Variants in CELSR1 observed in about 807,000 individuals in gnomAD.
CELSR1 encodes the protein adhesion G protein-coupled receptor C1.
Under a neutral mutation model 249.1 loss-of-function variants are expected in CELSR1, and 110 were observed. The observed-to-expected ratio is 0.44, with a 90% CI of 0.38 to 0.52. The LOEUF is 0.52. Ranked by LOEUF, CELSR1 falls within the 20% of genes least tolerant of loss-of-function variation. CELSR1 has a pLI of 0.00. For synonymous variants in CELSR1, 2,113 were observed against 1,900.0 expected (o/e 1.11, Z -2.92); for missense variants, 4,109 against 4,296.4 (o/e 0.96, Z 1.22).
chr22:46,397,587 C>A (rs541034140), intron 12 of CELSR1, 87 bp downstream of exon 12: 8 of 1,242,042 alleles, frequency 6.4e-6, no homozygotes, highest in Non-Finnish European at 7.4e-6. Context: ...TGGCTGGGGA[C>A]GCTAATGTCT....
chr22:46,392,023 C>T (rs2079098588), intron 14 of CELSR1, among the ~76,000 whole-genome samples: 1 of 152,244 alleles, frequency 6.6e-6, no homozygotes, highest in Non-Finnish European at 1.5e-5. Context: ...CCCAGGAGAG[C>T]AGTTCTTCCG....
chr22:46,375,106 C>T (rs1173930454), intron 24 of CELSR1, among the ~76,000 whole-genome samples: 2 of 152,134 alleles, frequency 1.3e-5, no homozygotes, highest in African/African-American at 2.4e-5. Context: ...CCACCGCTTG[C>T]CGTAAAAAAG....
In CELSR1 at chr22:46,472,771, G is replaced by A. The variant is rs1193163444; in HGVS notation, c.3545-8426C>T. 6.6e-6 allele frequency among the ~76,000 whole-genome samples: 1 copy of A among 152,116 alleles called. No homozygotes were observed. The highest frequency in any genetic ancestry group is 1.5e-5 in the Non-Finnish European group (1 of 68,006). ...GAGGCTCAGGGGAGGGTCTGTTCCGGGCCCCTTTCCCTGGGGGCTGGGGGT... is the reference window on the plus strand; with the variant it reads ...GAGGCTCAGGGGAGGGTCTGTTCCGAGCCCCTTTCCCTGGGGGCTGGGGGT... On this transcript the variant is annotated intron_variant, in intron 1 of 34. Transcript: ENST00000674500. The surrounding 1 kb of genome is among the most constrained non-coding windows in gnomAD (Gnocchi z 7.0).
chr22:46,400,316 G>A (rs1205548263), intron 9 of CELSR1, among the ~76,000 whole-genome samples: 1 of 151,452 alleles, frequency 6.6e-6, no homozygotes, highest in African/African-American at 2.4e-5. Flanking sequence ...GTGACAGAGC[G>A]AGACTTGGTC....
At position 46,534,013 on chromosome 22, in the gene CELSR1, T is replaced by G. The variant is rs373934317; in HGVS notation, c.3158A>C (p.Asn1053Thr). ...MRHFFQLDLLNGDLRAMVELD... is the reference protein window; with the variant it reads ...MRHFFQLDLLTGDLRAMVELD... ...CTCCACCATGGCACGCAGGTCCCCGTTGAGCAGGTCCAGCTGGAAGAAATG... is the reference window on the plus strand; with the variant it reads ...CTCCACCATGGCACGCAGGTCCCCGGTGAGCAGGTCCAGCTGGAAGAAATG... The change falls in exon 1 of 35, where the codon AAC becomes ACC. Residue 1053 changes from asparagine to threonine, a missense_variant. Physicochemically the swap from Asn to Thr is moderately conservative, Grantham distance 65. Around this residue, in one of 7 missense-constraint regions of CELSR1, gnomAD observed 886 missense variants for 896.5 expected, o/e 0.99. Transcript: ENST00000674500. The surrounding 1 kb of genome is among the most constrained non-coding windows in gnomAD (Gnocchi z 9.7). The G allele has an allele frequency of 5.6e-6, 9 of 1,613,536 alleles. No homozygotes were observed. In the South Asian group the frequency reaches 9.9e-5, roughly 18 times the overall value.
At chr22:46,519,251 A>T (rs1476873049) in intron 1 of CELSR1, among the ~76,000 whole-genome samples, 1 of 152,244 alleles carries the variant, frequency 6.6e-6, no homozygotes, top group Admixed American at 6.5e-5. Context: ...TAAACACCAC[A>T]AAATGGCTCA....
rs1388371315 is a variant in CELSR1, at chr22:46,518,787, C to A, written c.3544+14840G>T. 6.6e-6 allele frequency among the ~76,000 whole-genome samples: 1 copy of A among 152,120 alleles called. No homozygotes were observed. Among genetic ancestry groups the A allele is most frequent in the Non-Finnish European group, 1.5e-5 (1 of 68,032 alleles). ...GCGGTGGCTCGCCTGTAATCCAGCA[C>A]TTTGGGAGGCCAAGGCGGGTGGATC... is the stretch of plus-strand genomic sequence containing the variant. On this transcript the variant is annotated intron_variant, in intron 1 of 34. Coordinates refer to ENST00000674500, the MANE Select transcript of CELSR1 (RefSeq NM_001378328.1). The surrounding 1 kb of genome is among the most constrained non-coding windows in gnomAD (Gnocchi z 5.2).
rs2078761353 is a variant in CELSR1 at position 46,365,649 on chromosome 22, C to G, written c.8341G>C (p.Val2781Leu). The G allele has an allele frequency of 2.5e-6, 4 of 1,588,786 alleles. No homozygotes were observed. The South Asian group carries it at 3.4e-5, about 14-fold the overall frequency. ...TCTGGCTCTCCGTGGCTGCCCCTCA[C>G]CAGCCCAGAGGACACGCCGAGCTTC... is the stretch of plus-strand genomic sequence containing the variant. ...IQKLGVSSGL[V>L]RGSHGEPDAS... The change falls in exon 31 of 35, where the codon GTG becomes CTG. Residue 2781 changes from valine to leucine, a missense_variant. Val to Leu is a conservative substitution (Grantham distance 32). Transcript: ENST00000674500.
At chr22:46,510,867 C>T (rs2080566116) in intron 1 of CELSR1, among the ~76,000 whole-genome samples, 1 of 152,100 alleles carries the variant, frequency 6.6e-6, no homozygotes, top group African/African-American at 2.4e-5. Context: ...ATCCCACCAG[C>T]ACTTCAGGAG....
chr22:46,435,065 C>A (rs1426901196), intron 4 of CELSR1, among the ~76,000 whole-genome samples: 1 of 151,880 alleles, frequency 6.6e-6, no homozygotes, highest in Non-Finnish European at 1.5e-5. Flanking sequence ...TGTTGGCAGT[C>A]TGGAGAAATG....
At chr22:46,525,579 C>T (rs1270096904) in intron 1 of CELSR1, among the ~76,000 whole-genome samples, 1 of 152,116 alleles carries the variant, frequency 6.6e-6, no homozygotes, top group South Asian at 2.1e-4. Context: ...AATTAGAAAA[C>T]GATTTCCCCC....
intron 24 of CELSR1, among the ~76,000 whole-genome samples, chr22:46,373,523 G>A (rs902820738): frequency 1.1e-4 from 17 of 151,520 alleles, no homozygotes; most frequent in Non-Finnish European, 1.6e-4. Flanking sequence ...CTCTGGGAGG[G>A]GCAGCTTCGT....
Position 46,389,407 on chromosome 22 carries a change from G to T in CELSR1, c.6438C>A (p.Gly2146=). 1 of 1,612,332 alleles carries T rather than the reference G, an allele frequency of 6.2e-7. No homozygotes were observed. ...RALRSATQHT[G]TLFGNDVRTA... is the part of the protein sequence containing the mutation. ...TGCGCACGTCATTGCCAAAGAGCGT[G>T]CCCGTGTGCTGTGTAGCACTGCGCA... is the stretch of plus-strand genomic sequence containing the variant. Residue 2146 remains glycine (G), a synonymous_variant, in exon 18 of 35, where the codon GGC becomes GGA. Transcript: ENST00000674500.
In CELSR1 at chr22:46,536,142, G is replaced by C. The variant is rs1216512142; in HGVS notation, c.1029C>G (p.Val343=). Residue 343 remains valine, a synonymous_variant, in exon 1 of 35, where the codon GTC becomes GTG. Transcript: ENST00000674500. ...RSATTYITVL[V]KDTNDHSPVF... ...CCGGGCTGTGGTCGTTGGTGTCTTTGACCAAGACAGTGATGTAGGTGGTGG... is the reference window on the plus strand; with the variant it reads ...CCGGGCTGTGGTCGTTGGTGTCTTTCACCAAGACAGTGATGTAGGTGGTGG... 2 of 1,612,888 alleles carry C rather than the reference G, an allele frequency of 1.2e-6. No individual in the cohort carries two copies. Among genetic ancestry groups the C allele is most frequent in the Non-Finnish European group, 8.5e-7 (1 of 1,180,022 alleles).
chr22:46,418,622 G>C (rs1041822677), intron 5 of CELSR1, among the ~76,000 whole-genome samples: 1 of 152,224 alleles, frequency 6.6e-6, no homozygotes, highest in Non-Finnish European at 1.5e-5. Context: ...CTCTTCTCCA[G>C]GAGCTAAGAC....
chr22:46,400,470 C>T (rs2147289870), intron 9 of CELSR1, among the ~76,000 whole-genome samples: 1 of 152,096 alleles, frequency 6.6e-6, no homozygotes, highest in South Asian at 2.1e-4. Flanking sequence ...AAACCTGCCT[C>T]TACTAAAAAT....
rs1039708529 is a variant in CELSR1 at position 46,445,349 on chromosome 22, C to T, written c.4184-5938G>A. On this transcript the variant is annotated intron_variant, in intron 2 of 34. Transcript: ENST00000674500. This position sits in a 1 kb window ranked among gnomAD's most constrained non-coding sequence, Gnocchi z 4.4. ...TCTCTACTAAAAATATAAAAATTAG[C>T]CGGGTATGGTGGCGCATGCCTGTAG... Among the ~76,000 whole-genome samples, 4 of 151,444 alleles carry T rather than the reference C, an allele frequency of 2.6e-5. No individual in the cohort carries two copies. The highest frequency in any genetic ancestry group is 5.9e-5 in the Non-Finnish European group (4 of 67,884).
Position 46,374,373 on chromosome 22 carries a change from C to T in CELSR1, c.7585-1316G>A, listed in dbSNP as rs981032499. Among the ~76,000 whole-genome samples, 1 of 152,206 alleles carries T rather than the reference C, an allele frequency of 6.6e-6. No individual in the cohort carries two copies. Among genetic ancestry groups the T allele is most frequent in the Non-Finnish European group, 1.5e-5 (1 of 68,046 alleles). ...AGCAGGGTCGTACCTGCTTCCCTAA[C>T]CAATGTACCACCTTTTCCAGAAATA... On this transcript the variant is annotated intron_variant, in intron 24 of 34. Coordinates refer to ENST00000674500, the MANE Select transcript of CELSR1 (RefSeq NM_001378328.1). This position sits in a 1 kb window ranked among gnomAD's most constrained non-coding sequence, Gnocchi z 4.3.
chr22:46,498,394 G>A (rs2080435813), intron 1 of CELSR1, among the ~76,000 whole-genome samples: 1 of 151,176 alleles, frequency 6.6e-6, no homozygotes, highest in Non-Finnish European at 1.5e-5. Context: ...TGGATCGCCT[G>A]AGGTCAAGAG....
Sources: gnomAD v4.1 joint callset for allele counts (sites outside exome capture counted in the v4.1 genomes callset) on GRCh38, gnomAD v4.1.1 for gene constraint, gnomAD v4.1.1 regional missense constraint, Gnocchi (gnomAD v3.1) non-coding constraint, MANE v1.5 for transcripts, NCBI Gene and HGNC (gene_info 2026-07-23, HGNC 2026-07-21) for gene names.